Variants in SYNE2 observed in about 807,000 individuals in gnomAD.
The protein encoded by SYNE2 is nesprin-2.
In SYNE2, 431 loss-of-function variants were observed where a neutral mutation model predicts 856.3. The ratio of observed to expected loss-of-function variants is 0.50; its 90% CI spans 0.47 to 0.55. The LOEUF (loss-of-function observed/expected upper bound fraction) is 0.55. Ranked by LOEUF, SYNE2 falls within the 20% of genes least tolerant of loss-of-function variation. SYNE2 has a pLI of 0.00. For missense variants in SYNE2, 8,129 were observed against 8,023.2 expected, an observed-to-expected ratio of 1.01 and a Z score of -0.50; for synonymous variants, 2,923 against 2,872.3, an observed-to-expected ratio of 1.02 and a Z score of -0.56.
intron 2 of SYNE2, among the ~76,000 whole-genome samples, chr14:63,932,913 A>C (rs944214653): frequency 2.0e-5 from 3 of 152,222 alleles, no homozygotes; most frequent in Non-Finnish European, 4.4e-5. Context: ...GTTTAGCCAG[A>C]GAAATAGGAT....
intron 53 of SYNE2, among the ~76,000 whole-genome samples, chr14:64,074,690 G>A (rs922183031): frequency 2.0e-5 from 3 of 152,126 alleles, no homozygotes; most frequent in Admixed American, 2.0e-4. Context: ...GGGGTCAGGA[G>A]GTCAAGACCA....
chr14:63,872,509 A>G (rs959572047), intron 1 of SYNE2, among the ~76,000 whole-genome samples: 1 of 151,946 alleles, frequency 6.6e-6, no homozygotes, highest in Admixed American at 6.6e-5. Flanking sequence ...TAATCCCAGC[A>G]CTTTGGGAGG....
chr14:63,778,601 A>C (rs530225567), intron 1 of SYNE2, among the ~76,000 whole-genome samples: 4 of 152,006 alleles, frequency 2.6e-5, no homozygotes, highest in Non-Finnish European at 5.9e-5. Flanking sequence ...TGCAGCTTCA[A>C]CCTCCTGGGT....
At position 63,919,972 on chromosome 14, in the gene SYNE2, G is replaced by GTTTTTTTTTTTTTTTTTTTTTTTTT. The variant is rs10673123; in HGVS notation, c.79+10764_79+10765insTTTTTTTTTTTTTTTTTTTTTTTTT. ...ATATCAGGCACATGATAAAAGGTAA[G>GTTTTTTTTTTTTTTTTTTTTTTTTT]TTTTTTTTTTTTTTTTTTTAAGGTA... is the stretch of plus-strand genomic sequence containing the variant. On this transcript the variant is annotated intron_variant, in intron 2 of 115. Coordinates refer to ENST00000555002, the MANE Select transcript of SYNE2 (RefSeq NM_182914.3). 3.9e-4 allele frequency among the ~76,000 whole-genome samples: 43 copies of GTTTTTTTTTTTTTTTTTTTTTTTTT among 110,584 alleles called. 2 individuals carry two copies. The highest frequency in any genetic ancestry group is 1.1e-3 in the African/African-American group (30 of 26,148). 72.5% of individuals were successfully genotyped at this position (110,584 alleles called of 152,430 possible).
chr14:63,858,262 CTTTTTTTTTTTTTT>C (rs61091259), intron 1 of SYNE2, among the ~76,000 whole-genome samples: 53 of 52,932 alleles, frequency 1.0e-3, no homozygotes, highest in Middle Eastern at 0.019. Flanking sequence ...CCACACCGGC[CTTTTTTTTTTTTTT>C]TTTTTTTTTT....
intron 47 of SYNE2, among the ~76,000 whole-genome samples, chr14:64,051,035 A>G (rs1169520409): frequency 2.0e-5 from 3 of 151,878 alleles, no homozygotes; most frequent in Admixed American, 2.0e-4. Flanking sequence ...AAAAAAAAAA[A>G]GATTTGTTTT....
At chr14:63,820,477 T>C (rs543282962) in intron 1 of SYNE2, among the ~76,000 whole-genome samples, 6 of 152,310 alleles carry the variant, frequency 3.9e-5, no homozygotes, top group South Asian at 4.1e-4. Flanking sequence ...AAAAATATTG[T>C]AGTCTTGGAC....
intron 1 of SYNE2, among the ~76,000 whole-genome samples, chr14:63,794,437 G>A (rs916856459): frequency 2.0e-5 from 3 of 151,948 alleles, no homozygotes; most frequent in Non-Finnish European, 2.9e-5. Context: ...TGATCCTCCC[G>A]CCTTGGCCTC....
intron 1 of SYNE2, among the ~76,000 whole-genome samples, chr14:63,767,775 G>T (rs1322878548): frequency 6.6e-6 from 1 of 152,134 alleles, no homozygotes; most frequent in African/African-American, 2.4e-5. Context: ...ATCAGCTTCT[G>T]TAGTGATTAG....
At chr14:64,151,474 C>CA (rs140350904) in intron 84 of SYNE2, among the ~76,000 whole-genome samples, 2 of 16,972 alleles carry the variant, frequency 1.2e-4, no homozygotes, top group Non-Finnish European at 2.0e-4. Flanking sequence ...AAGCAATTTT[C>CA]AAAAAAAAAG....
rs573874382 is a variant in SYNE2 at position 64,159,447 on chromosome 14, G to C, written c.16094+5G>C. 1 of 1,613,214 alleles carries C rather than the reference G, an allele frequency of 6.2e-7. No individual in the cohort carries two copies. The highest frequency in any genetic ancestry group is 2.2e-5 in the East Asian group (1 of 44,874). On this transcript the variant is annotated splice_donor_5th_base_variant and intron_variant, in intron 87 of 115. Coordinates refer to ENST00000555002, the MANE Select transcript of SYNE2 (RefSeq NM_182914.3). The stretch of plus-strand genomic sequence containing the variant: ...ATGCCAAAATACTCATAAAAGGTAT[G>C]CTTTCAGATATAATTTGAATGATAG...
At chr14:63,900,291 C>T (rs547504128) in intron 1 of SYNE2, among the ~76,000 whole-genome samples, 8 of 152,256 alleles carry the variant, frequency 5.3e-5, no homozygotes, top group South Asian at 2.1e-4. Flanking sequence ...TTTGTTTTCA[C>T]GCTGCTGATA....
intron 1 of SYNE2, among the ~76,000 whole-genome samples, chr14:63,767,972 T>C (rs1886749501): frequency 6.6e-6 from 1 of 152,078 alleles, no homozygotes; most frequent in Non-Finnish European, 1.5e-5. Context: ...GGTGGGCAGA[T>C]TGCTTGAGCG....
chr14:63,979,321 A>G (rs987732174), intron 14 of SYNE2, among the ~76,000 whole-genome samples: 1 of 152,216 alleles, frequency 6.6e-6, no homozygotes, highest in African/African-American at 2.4e-5. Context: ...GCTTTCACTT[A>G]CTTGAAATGT....
chr14:63,950,091 T>G (rs1231118634), intron 7 of SYNE2, 85 bp downstream of exon 7: 2 of 1,430,356 alleles, frequency 1.4e-6, no homozygotes, highest in East Asian at 4.6e-5. Flanking sequence ...CCTCCCTCAC[T>G]TAACATGAAA....
chr14:64,012,085 A>C (rs1158440959), intron 32 of SYNE2, among the ~76,000 whole-genome samples: 1 of 152,198 alleles, frequency 6.6e-6, no homozygotes, highest in Non-Finnish European at 1.5e-5. Context: ...CTCTTAAAAA[A>C]TGTCATCCAG....
rs1370062396 is a variant in SYNE2, at chr14:64,003,240, A to G, written c.4307A>G (p.Asn1436Ser). ...TTACTAGAGGCTTGTATTTTCAAAA[A>G]TAATGAACTCCTTAAAAATATTCAA... Reference protein sequence around the residue: ...NKLLEACIFKNNELLKNIQDV... With the variant: ...NKLLEACIFKSNELLKNIQDV... The change falls in exon 30 of 116, where the codon AAT becomes AGT. Residue 1436 changes from asparagine (N) to serine (S), a missense_variant. Physicochemically the swap from Asn to Ser is conservative, Grantham distance 46. Coordinates refer to ENST00000555002, the MANE Select transcript of SYNE2 (RefSeq NM_182914.3). 10 of 1,613,894 alleles carry G rather than the reference A, an allele frequency of 6.2e-6. No individual in the cohort carries two copies. The highest frequency in any genetic ancestry group is 7.6e-6 in the Non-Finnish European group (9 of 1,179,934).
chr14:63,809,282 A>G (rs928037138), intron 1 of SYNE2, among the ~76,000 whole-genome samples: 2 of 152,078 alleles, frequency 1.3e-5, no homozygotes, highest in Non-Finnish European at 2.9e-5. Context: ...AAATAATGCC[A>G]TGTGCCTCAT....
Position 64,053,490 on chromosome 14 carries a change from G to A in SYNE2, c.9577G>A (p.Glu3193Lys), listed in dbSNP as rs1279500272. 4 of 1,614,074 alleles carry A rather than the reference G, an allele frequency of 2.5e-6. No individual in the cohort carries two copies. Among genetic ancestry groups the A allele is most frequent in the Non-Finnish European group, 3.4e-6 (4 of 1,180,040 alleles). ...KHIQNEKDNC[E>K]AFQEQVWAEM... ...TATTCAAAATGAAAAGGACAATTGT[G>A]AAGCATTTCAGGAGCAAGTTTGGGC... Residue 3193 changes from glutamate (E) to lysine (K), a missense_variant, in exon 48 of 116, where the codon GAA becomes AAA. Physicochemically the swap from Glu to Lys is moderately conservative, Grantham distance 56. Around this residue, in one of 3 missense-constraint regions of SYNE2, gnomAD observed 5,410 missense variants for 5,284.8 expected, o/e 1.02. Transcript: ENST00000555002.
Sources: gnomAD v4.1 joint callset for allele counts (sites outside exome capture counted in the v4.1 genomes callset) on GRCh38, gnomAD v4.1.1 for gene constraint, gnomAD v4.1.1 regional missense constraint, MANE v1.5 for transcripts, NCBI Gene and HGNC (gene_info 2026-07-23, HGNC 2026-07-21) for gene names.